SAMMSON: variants seen among roughly 807,000 people sequenced by gnomAD.
SAMMSON encodes long intergenic non-protein coding RNA 1212.
intron 7 of SAMMSON, among the ~76,000 whole-genome samples, chr3:70,314,205 T>C (rs1702479425): frequency 6.6e-6 from 1 of 152,230 alleles, no homozygotes; most frequent in African/African-American, 2.4e-5. Flanking sequence ...GCCTAGCCTC[T>C]ATCTCAGTAT....
At chr3:70,276,384 A>G (rs1469791641) in intron 6 of SAMMSON, among the ~76,000 whole-genome samples, 1 of 152,104 alleles carries the variant, frequency 6.6e-6, no homozygotes, top group East Asian at 1.9e-4. Flanking sequence ...TGTTAATTCT[A>G]TTGTCTTGTG....
intron 2 of SAMMSON, among the ~76,000 whole-genome samples, chr3:70,418,995 C>G (rs931346359): frequency 8.9e-6 from 1 of 112,958 alleles, no homozygotes; most frequent in Non-Finnish European, 1.8e-5. Flanking sequence ...CTCTCTCTCT[C>G]TCTCTCTTTC....
At chr3:70,189,629 G>A (rs919212997) in intron 4 of SAMMSON, among the ~76,000 whole-genome samples, 1 of 152,168 alleles carries the variant, frequency 6.6e-6, no homozygotes, top group Non-Finnish European at 1.5e-5. Context: ...AAATATGTTG[G>A]TTGGAAGATA....
chr3:70,430,327 G>C (rs946186976), intron 2 of SAMMSON, among the ~76,000 whole-genome samples: 1 of 152,108 alleles, frequency 6.6e-6, no homozygotes, highest in African/African-American at 2.4e-5. Context: ...TGGCTTGATC[G>C]TGGTGAATAA....
At chr3:70,022,144 T>G (rs1312421292) in intron 3 of SAMMSON, among the ~76,000 whole-genome samples, 1 of 151,970 alleles carries the variant, frequency 6.6e-6, no homozygotes, top group Non-Finnish European at 1.5e-5. Flanking sequence ...TGTCCTTGAG[T>G]TGGGGCTAGA....
At chr3:70,201,565 T>C (rs1303396517) in intron 4 of SAMMSON, among the ~76,000 whole-genome samples, 3 of 152,146 alleles carry the variant, frequency 2.0e-5, no homozygotes, top group Non-Finnish European at 4.4e-5. Context: ...TGATCCCTGT[T>C]TATGGATGAG....
intron 6 of SAMMSON, among the ~76,000 whole-genome samples, chr3:70,257,395 A>G (rs1156742586): frequency 6.6e-6 from 1 of 152,172 alleles, no homozygotes; most frequent in Non-Finnish European, 1.5e-5. Flanking sequence ...TCTTTTGCAG[A>G]GAACCTGTTC....
At chr3:70,257,234 A>C (rs1359622921) in intron 6 of SAMMSON, among the ~76,000 whole-genome samples, 1 of 152,238 alleles carries the variant, frequency 6.6e-6, no homozygotes, top group Non-Finnish European at 1.5e-5. Context: ...ACCCTTCCCC[A>C]TTCCTTAAAA....
intron 4 of SAMMSON, among the ~76,000 whole-genome samples, chr3:70,135,319 C>T (rs2067501226): frequency 6.6e-6 from 1 of 152,002 alleles, no homozygotes; most frequent in African/African-American, 2.4e-5. Flanking sequence ...TACCTTTGAC[C>T]TTATTGAGCA....
At chr3:70,244,956 A>T (rs1449070468) in intron 4 of SAMMSON, among the ~76,000 whole-genome samples, 4 of 152,166 alleles carry the variant, frequency 2.6e-5, no homozygotes, top group Non-Finnish European at 5.9e-5. Flanking sequence ...AATTATATAT[A>T]TAAAAATCAT....
intron 3 of SAMMSON, among the ~76,000 whole-genome samples, chr3:70,049,229 C>T (rs1410019610): frequency 1.3e-5 from 2 of 152,042 alleles, no homozygotes; most frequent in South Asian, 4.1e-4. Flanking sequence ...GAGTTTGCTG[C>T]CTGTCTTAAT....
At chr3:70,113,812 T>C (rs1266471692) in intron 4 of SAMMSON, among the ~76,000 whole-genome samples, 1 of 152,128 alleles carries the variant, frequency 6.6e-6, no homozygotes, top group African/African-American at 2.4e-5. Flanking sequence ...GGGACCCCCA[T>C]GATGGGATTC....
At chr3:70,287,222 A>C (rs1434470359) in intron 6 of SAMMSON, among the ~76,000 whole-genome samples, 2 of 137,706 alleles carry the variant, frequency 1.5e-5, no homozygotes, top group Non-Finnish European at 3.1e-5. Context: ...ATTATTTTGA[A>C]ATACGTCCCA....
intron 2 of SAMMSON, among the ~76,000 whole-genome samples, chr3:70,433,929 C>G (rs1031009873): frequency 6.6e-6 from 1 of 152,092 alleles, no homozygotes; most frequent in Non-Finnish European, 1.5e-5. Flanking sequence ...TACTTTGTTC[C>G]TTTGTCAAAG....
chr3:70,064,338 C>T (rs566299658), intron 3 of SAMMSON, among the ~76,000 whole-genome samples: 1 of 152,248 alleles, frequency 6.6e-6, no homozygotes, highest in South Asian at 2.1e-4. Context: ...GGACTTTACA[C>T]TTTAATTAAG....
intron 4 of SAMMSON, among the ~76,000 whole-genome samples, chr3:70,109,446 CA>C (rs1303869218): frequency 6.6e-6 from 1 of 152,172 alleles, no homozygotes; most frequent in East Asian, 1.9e-4. Context: ...ATAGCACATA[CA>C]GAGGTGCTTA....
At chr3:70,177,414 C>G (rs1442704758) in intron 4 of SAMMSON, among the ~76,000 whole-genome samples, 1 of 152,182 alleles carries the variant, frequency 6.6e-6, no homozygotes, top group Non-Finnish European at 1.5e-5. Flanking sequence ...TATGCTCTCT[C>G]TGACTTCAAG....
chr3:70,147,151 A>G (rs2067552310), intron 4 of SAMMSON, among the ~76,000 whole-genome samples: 1 of 152,056 alleles, frequency 6.6e-6, no homozygotes, highest in Non-Finnish European at 1.5e-5. Flanking sequence ...TAAAACACTG[A>G]TGAAAGAAAT....
At chr3:70,187,427 CTTTTTTTTTTTTTTTTT>C (rs928465556) in intron 4 of SAMMSON, among the ~76,000 whole-genome samples, 1 of 73,116 alleles carries the variant, frequency 1.4e-5, no homozygotes, top group Non-Finnish European at 2.5e-5. Flanking sequence ...GGGACCAACT[CTTTTTTTTTTTTTTTTT>C]TTTTTTTTTT....
Sources: allele counts gnomAD v4.1 joint callset (sites outside exome capture counted in the v4.1 genomes callset), GRCh38; gene constraint gnomAD v4.1.1; transcripts MANE v1.5; gene names NCBI Gene and HGNC (gene_info 2026-07-23, HGNC 2026-07-21).